The following TENM2 variants were observed in gnomAD, a reference collection of about 807,000 sequenced individuals.
TENM2 encodes teneurin transmembrane protein 2.
Under a neutral mutation model 245.2 loss-of-function variants are expected in TENM2, and 52 were observed. The ratio of observed to expected loss-of-function variants is 0.21; its 90% confidence interval spans 0.17 to 0.27. The LOEUF is 0.27. Among genes scored for constraint, TENM2 ranks in the 10% least tolerant of loss-of-function variants. The probability of loss-of-function intolerance (pLI) is 1.00; values close to 1 mark genes in which losing one functional copy is unlikely to be tolerated. For missense variants in TENM2, 3,046 were observed against 3,666.8 expected (o/e 0.83, Z 4.37); for synonymous variants, 1,363 against 1,438.9 (o/e 0.95, Z 1.19).
chr5:168,035,254 T>A (rs1443466793), intron 5 of TENM2, among the ~76,000 whole-genome samples: 1 of 152,220 alleles, frequency 6.6e-6, no homozygotes, highest in Non-Finnish European at 1.5e-5. Context: ...ACGCCTGTAA[T>A]CCCAGTACTG....
chr5:167,111,614 T>G, the TENM2 span, among the ~76,000 whole-genome samples: 1 of 152,190 alleles, frequency 6.6e-6, no homozygotes, highest in Non-Finnish European at 1.5e-5. Context: ...AATGTTGTTT[T>G]TAATAAAACG....
At chr5:167,609,887 A>C (rs1259240490) in intron 2 of TENM2, among the ~76,000 whole-genome samples, 1 of 152,108 alleles carries the variant, frequency 6.6e-6, no homozygotes, top group Admixed American at 6.6e-5. Flanking sequence ...TGGGAGTTCT[A>C]TAATTCAATT....
chr5:167,992,875 A>G (rs988859604), intron 4 of TENM2, 69 bp from the exon 7 acceptor site: 3 of 1,260,886 alleles, frequency 2.4e-6, no homozygotes, highest in South Asian at 1.2e-5. Flanking sequence ...AGCAGAGTGG[A>G]AGAAAAATAG....
exon 4 of TENM2, chr5:167,952,820 C>T: frequency 6.4e-7 from 1 of 1,553,418 alleles, no homozygotes. Flanking sequence ...CACTGGAGAC[C>T]CGGTAAGTCC....
intron 4 of TENM2, among the ~76,000 whole-genome samples, chr5:167,971,275 G>A (rs2617977): frequency 0.49 from 74,097 of 151,546 alleles, 20,057 homozygotes; most frequent in African/African-American, 0.7. Flanking sequence ...AAAGAAAGGG[G>A]AAAAAGGGAC....
At chr5:168,062,951 A>G (rs1199766040) in intron 7 of TENM2, among the ~76,000 whole-genome samples, 2 of 152,182 alleles carry the variant, frequency 1.3e-5, no homozygotes, top group Non-Finnish European at 1.5e-5. Flanking sequence ...CAACATAGTG[A>G]ATACACTCAA....
At chr5:167,525,108 C>T (rs1385194800) in intron 2 of TENM2, among the ~76,000 whole-genome samples, 1 of 151,936 alleles carries the variant, frequency 6.6e-6, no homozygotes, top group African/African-American at 2.4e-5. Context: ...GGCCAGTTGC[C>T]AAATCAAGTG....
At chr5:167,020,147 C>T in the TENM2 span, among the ~76,000 whole-genome samples, 127,538 of 152,118 alleles carry the variant, frequency 0.84, 53,818 homozygotes, top group Admixed American at 0.9. Context: ...ACATTTTCCA[C>T]TGCAAAATTA....
intron 9 of TENM2, among the ~76,000 whole-genome samples, chr5:168,114,514 C>G (rs887223276): frequency 2.2e-4 from 34 of 152,308 alleles, no homozygotes; most frequent in African/African-American, 7.9e-4. Flanking sequence ...ACCTCAGATA[C>G]TGGGATGCTC....
chr5:168,236,359 C>A (rs964602662), intron 25 of TENM2, among the ~76,000 whole-genome samples: 4 of 152,196 alleles, frequency 2.6e-5, no homozygotes, highest in Non-Finnish European at 5.9e-5. Context: ...CCCACCTGCA[C>A]TAGAATACTC....
At chr5:168,109,742 C>A (rs1376397614) in intron 9 of TENM2, among the ~76,000 whole-genome samples, 1 of 152,178 alleles carries the variant, frequency 6.6e-6, no homozygotes, top group South Asian at 2.1e-4. Flanking sequence ...GATAAATTGC[C>A]CTTGAACTTT....
At chr5:167,696,476 T>A (rs1174622737) in intron 2 of TENM2, among the ~76,000 whole-genome samples, 1 of 152,222 alleles carries the variant, frequency 6.6e-6, no homozygotes, top group South Asian at 2.1e-4. Flanking sequence ...TCTGCCACAC[T>A]TTTTATCTCA....
At chr5:167,052,345 A>G in the TENM2 span, among the ~76,000 whole-genome samples, 1 of 152,174 alleles carries the variant, frequency 6.6e-6, no homozygotes, top group East Asian at 1.9e-4. Context: ...AAATGCCAAC[A>G]TCATATTGGA....
chr5:167,738,686 C>T (rs1760969730), intron 2 of TENM2, among the ~76,000 whole-genome samples: 3 of 152,084 alleles, frequency 2.0e-5, no homozygotes, highest in Admixed American at 6.5e-5. Flanking sequence ...AGTCCAAGAT[C>T]GAGGTGTCAG....
chr5:167,913,336 T>A (rs1191122910), intron 3 of TENM2, among the ~76,000 whole-genome samples: 2 of 152,198 alleles, frequency 1.3e-5, no homozygotes, highest in Admixed American at 1.3e-4. Flanking sequence ...AAGAAGCAAG[T>A]TTCACATACT....
At chr5:167,389,678 A>G (rs1761645924) in intron 2 of TENM2, among the ~76,000 whole-genome samples, 1 of 152,152 alleles carries the variant, frequency 6.6e-6, no homozygotes, top group African/African-American at 2.4e-5. Context: ...AATTCCTAGA[A>G]GACTTAGAAC....
At chr5:167,634,055 T>C (rs1176883413) in intron 2 of TENM2, among the ~76,000 whole-genome samples, 1 of 152,146 alleles carries the variant, frequency 6.6e-6, no homozygotes, top group African/African-American at 2.4e-5. Context: ...AACTTGGGCT[T>C]GGGAACAAAT....
chr5:167,707,696 C>T (rs950757364), intron 2 of TENM2, among the ~76,000 whole-genome samples: 2 of 152,254 alleles, frequency 1.3e-5, no homozygotes, highest in African/African-American at 4.8e-5. Context: ...GCCTGAATGC[C>T]GTCTAGAATC....
downstream of TENM2, chr5:168,264,040 G>C (rs913020793): frequency 1.3e-5 from 2 of 152,414 alleles, no homozygotes; most frequent in Admixed American, 1.3e-4. Flanking sequence ...ATTGTTCATC[G>C]AGTTTTTATA....
Sources: gnomAD v4.1 joint callset for allele counts (sites outside exome capture counted in the v4.1 genomes callset) on GRCh38, gnomAD v4.1.1 for gene constraint, MANE v1.5 for transcripts, NCBI Gene and HGNC (gene_info 2026-07-23, HGNC 2026-07-21) for gene names.